The following TET1 variants were observed in gnomAD, a reference collection of about 807,000 sequenced individuals.
TET1 encodes the protein tet methylcytosine dioxygenase 1.
TET1 carries 13 observed loss-of-function variants against 148.7 expected under a neutral mutation model. That is an observed-to-expected ratio of 0.09 (90% confidence interval 0.06 to 0.14). The LOEUF (loss-of-function observed/expected upper bound fraction) is 0.14, where lower values mean the gene tolerates loss of function less well. Among genes scored for constraint, TET1 ranks in the 10% least tolerant of loss-of-function variants. The probability of loss-of-function intolerance (pLI) is 1.00; values close to 1 mark genes in which losing one functional copy is unlikely to be tolerated. For missense variants in TET1, 2,182 were observed against 2,553.8 expected (o/e 0.85, Z 3.14); for synonymous variants, 907 against 937.2 (o/e 0.97, Z 0.59).
At chr10:68,688,336 G>A (rs985509438) in intron 11 of TET1, among the ~76,000 whole-genome samples, 11 of 151,562 alleles carry the variant, frequency 7.3e-5, no homozygotes, top group African/African-American at 1.9e-4. Context: ...GACCTCAAGT[G>A]ATCCACCCGC....
intron 3 of TET1, among the ~76,000 whole-genome samples, chr10:68,630,646 A>G (rs1457316169): frequency 6.6e-6 from 1 of 152,162 alleles, no homozygotes; most frequent in Admixed American, 6.6e-5. Context: ...TGGTGAAGAT[A>G]TCCAGTTGGT....
chr10:68,578,925 G>A (rs1438124170), intron 2 of TET1, among the ~76,000 whole-genome samples: 1 of 152,124 alleles, frequency 6.6e-6, no homozygotes, highest in Middle Eastern at 3.2e-3. Flanking sequence ...GCTGAGGTGG[G>A]AAGATTGCGT....
intron 2 of TET1, among the ~76,000 whole-genome samples, chr10:68,582,891 GA>G (rs1006870396): frequency 6.6e-6 from 1 of 151,974 alleles, no homozygotes; most frequent in African/African-American, 2.4e-5. Context: ...TGGACTTGGG[GA>G]AAAAAACCAA....
intron 7 of TET1, among the ~76,000 whole-genome samples, chr10:68,669,369 G>A (rs2055238328): frequency 6.6e-6 from 1 of 151,460 alleles, no homozygotes; most frequent in South Asian, 2.1e-4. Context: ...GAGTTGCGGT[G>A]GCGTGACCTC....
chr10:68,678,833 TAGA>T (rs1293913152), intron 8 of TET1, among the ~76,000 whole-genome samples: 1 of 152,112 alleles, frequency 6.6e-6, no homozygotes, highest in African/African-American at 2.4e-5. Context: ...ATGAAATAAT[TAGA>T]AGGTCAGGAT....
Position 68,646,732 on chromosome 10 carries a change from C to A in TET1, c.4003C>A (p.Pro1335Thr). ...VKEQLMHQRL[P>T]TLPGISHETP... ...GGAGCAACTCATGCATCAGAGACTG[C>A]CAACATTGCCTGGTATCTCTCATGA... The change falls in exon 4 of 12, where the codon CCA (proline) becomes ACA (threonine). Residue 1335 changes from proline to threonine, a missense_variant. Pro to Thr is a conservative substitution (Grantham distance 38, BLOSUM62 -1). This residue lies in a region of TET1 where 582 missense variants were observed against 599.5 expected (regional missense o/e 0.97). Coordinates refer to ENST00000373644, the MANE Select transcript of TET1 (RefSeq NM_030625.3). 1 of 1,614,118 alleles carries A rather than the reference C, an allele frequency of 6.2e-7. No homozygotes were observed. Among genetic ancestry groups the A allele is most frequent in the Non-Finnish European group, 8.5e-7 (1 of 1,180,024 alleles).
chr10:68,658,994 G>T (rs1453061852), intron 6 of TET1, among the ~76,000 whole-genome samples: 1 of 152,222 alleles, frequency 6.6e-6, no homozygotes, highest in African/African-American at 2.4e-5. Flanking sequence ...TTGGGAGGCT[G>T]ATGCAGGCAG....
chr10:68,589,828 T>G (rs1272083835), intron 2 of TET1, among the ~76,000 whole-genome samples: 1 of 151,354 alleles, frequency 6.6e-6, no homozygotes, highest in Non-Finnish European at 1.5e-5. Context: ...TGCACCACCA[T>G]GCTCACTAAT....
At chr10:68,642,098 TG>T (rs1347014278) in intron 3 of TET1, among the ~76,000 whole-genome samples, 6 of 152,208 alleles carry the variant, frequency 3.9e-5, no homozygotes, top group African/African-American at 1.4e-4. Flanking sequence ...TTGGTATCAA[TG>T]GGAACACTCC....
chr10:68,675,503 A>G (rs1203372462), intron 8 of TET1, among the ~76,000 whole-genome samples: 1 of 151,952 alleles, frequency 6.6e-6, no homozygotes, highest in Non-Finnish European at 1.5e-5. Flanking sequence ...TGGATAGCTC[A>G]TTTTAAGAAC....
chr10:68,632,613 T>G (rs544647681), intron 3 of TET1: 296 of 1,584,978 alleles, frequency 1.9e-4, no homozygotes, highest in Middle Eastern at 1.7e-3. Context: ...GGTATAATTA[T>G]GCAAGGCAAA....
intron 3 of TET1, among the ~76,000 whole-genome samples, chr10:68,611,762 C>T (rs1325473232): frequency 3.5e-5 from 5 of 144,778 alleles, no homozygotes; most frequent in South Asian, 2.2e-4. Flanking sequence ...TGTAATGGTG[C>T]GATCTCCGCT....
chr10:68,675,786 C>A (rs1006467627), intron 8 of TET1, among the ~76,000 whole-genome samples: 1 of 151,824 alleles, frequency 6.6e-6, no homozygotes, highest in African/African-American at 2.4e-5. Context: ...AATATTTGGC[C>A]CAAGATCAAT....
chr10:68,666,246 T>C (rs2055193971), intron 6 of TET1, among the ~76,000 whole-genome samples: 1 of 58,812 alleles, frequency 1.7e-5, no homozygotes, highest in East Asian at 6.7e-4. Context: ...AATTAATTTT[T>C]CTATTTTGCA....
At chr10:68,662,582 T>C (rs2055137703) in intron 6 of TET1, among the ~76,000 whole-genome samples, 1 of 152,178 alleles carries the variant, frequency 6.6e-6, no homozygotes, top group African/African-American at 2.4e-5. Context: ...ATATATATAA[T>C]ATGTGTATGT....
chr10:68,646,833 T>A lies in TET1; in HGVS notation c.4104T>A (p.Ser1368=), dbSNP rs773171845. 136 of 1,614,106 alleles carry A rather than the reference T, an allele frequency of 8.4e-5. No individual in the cohort carries two copies. The highest frequency in any genetic ancestry group is 3.0e-4 in the Admixed American group (18 of 60,008). The change falls in exon 4 of 12, where the codon TCT becomes TCA. Residue 1368 remains serine, a synonymous_variant. Transcript: ENST00000373644. ...GTTCAGGTGGAATTACAGTGGTTTCTACCAAAAGTGAAGAGGAAGTCTGTT... is the reference window on the plus strand; with the variant it reads ...GTTCAGGTGGAATTACAGTGGTTTCAACCAAAAGTGAAGAGGAAGTCTGTT... ...VVCSGGITVV[S]TKSEEEVCSS...
At chr10:68,618,333 T>C (rs2795872) in intron 3 of TET1, among the ~76,000 whole-genome samples, 1 of 151,626 alleles carries the variant, frequency 6.6e-6, no homozygotes, top group Non-Finnish European at 1.5e-5. Context: ...GCATATTTTT[T>C]AAAAAAAATA....
Position 68,646,926 on chromosome 10 carries a change from C to T in TET1, c.4197C>T (p.Ala1399=), listed in dbSNP as rs778170873. ...DSAQKNFNDY[A]MNFFTNPTKN... is the part of the protein sequence containing the mutation. ...CACAGAAAAATTTTAATGATTATGC[C>T]ATGAACTTCTTTACTAACCCTACAA... Residue 1399 remains alanine (A), a synonymous_variant, in exon 4 of 12, where the codon GCC becomes GCT. Coordinates refer to ENST00000373644, the MANE Select transcript of TET1 (RefSeq NM_030625.3). 2 of 1,613,958 alleles carry T rather than the reference C, an allele frequency of 1.2e-6. No individual in the cohort carries two copies. Among genetic ancestry groups the T allele is most frequent in the African/African-American group, 2.7e-5 (2 of 74,898 alleles).
chr10:68,564,690 C>T (rs950360389), intron 1 of TET1, among the ~76,000 whole-genome samples: 3 of 152,284 alleles, frequency 2.0e-5, no homozygotes, highest in Admixed American at 6.5e-5. Flanking sequence ...GCTATCTCTG[C>T]AGCACTTTCA....
Sources: gnomAD v4.1 joint callset for allele counts (sites outside exome capture counted in the v4.1 genomes callset) on GRCh38, gnomAD v4.1.1 for gene constraint, gnomAD v4.1.1 regional missense constraint, MANE v1.5 for transcripts, NCBI Gene and HGNC (gene_info 2026-07-23, HGNC 2026-07-21) for gene names.